Variants in INPP5J observed in about 807,000 individuals in gnomAD.
INPP5J encodes the protein phosphatidylinositol 4,5-bisphosphate 5-phosphatase A.
INPP5J carries 75 observed loss-of-function variants against 86.6 expected under a neutral mutation model. The ratio of observed to expected loss-of-function variants is 0.87; its 90% CI spans 0.72 to 1.05. The LOEUF (loss-of-function observed/expected upper bound fraction) is 1.05, where lower values mean the gene tolerates loss of function less well. INPP5J is among the 50% of genes least tolerant of loss of function. The probability of loss-of-function intolerance (pLI) is 0.00; values close to 1 mark genes in which losing one functional copy is unlikely to be tolerated. For synonymous variants in INPP5J, 540 were observed against 550.0 expected (o/e 0.98, Z 0.25); for missense variants, 1,229 against 1,341.2 (o/e 0.92, Z 1.31).
At chr22:31,126,855 C>A in intron 4 of INPP5J, 66 bp from the exon 5 acceptor site, 1 of 1,452,280 alleles carries the variant, frequency 6.9e-7, no homozygotes, top group Non-Finnish European at 9.7e-7. Context: ...AGGAGCAGAC[C>A]TGAAGGTGGG....
At position 31,125,064 on chromosome 22, in the gene INPP5J, A is replaced by G. The variant is rs746313501; in HGVS notation, c.325A>G (p.Thr109Ala). 4.5e-6 allele frequency: 7 copies of G among 1,549,938 alleles called. 1 individual carries two copies. The highest frequency in any genetic ancestry group is 2.4e-5 in the East Asian group (1 of 40,912). ...TAHRSSSLAP[T>A]SVGQLVMSAS... is the part of the protein sequence containing the mutation. The stretch of plus-strand genomic sequence containing the variant: ...CCACCGCAGCTCCAGCCTGGCCCCA[A>G]CATCTGTGGGCCAGCTGGTGATGTC... The change falls in exon 2 of 13, where the codon ACA becomes GCA. Residue 109 changes from threonine to alanine, a missense_variant. Physicochemically the swap from Thr to Ala is moderately conservative, Grantham distance 58 (BLOSUM62 0). Transcript: ENST00000331075.
upstream of INPP5J, chr22:31,122,796 C>T (rs1370295141): frequency 6.5e-6 from 3 of 460,418 alleles, no homozygotes; most frequent in Non-Finnish European, 1.1e-5. Flanking sequence ...GATGGGTACA[C>T]TCTCCCCTCC....
At chr22:31,124,054 G>A (rs1039476091) in intron 1 of INPP5J, 3 of 153,480 alleles carry the variant, frequency 2.0e-5, no homozygotes, top group African/African-American at 7.2e-5. Context: ...AGCAAATGTT[G>A]GGCTCATAAA....
chr22:31,128,130 C>T, intron 7 of INPP5J, 68 bp downstream of exon 7: 1 of 1,452,140 alleles, frequency 6.9e-7, no homozygotes, highest in African/African-American at 1.4e-5. Flanking sequence ...AGACTATGGT[C>T]CCTGTCCTCA....
intron 2 of INPP5J, 63 bp from the exon 3 acceptor site, chr22:31,126,313 A>G (rs1437545779): frequency 7.3e-7 from 1 of 1,368,398 alleles, no homozygotes; most frequent in Non-Finnish European, 1.0e-6. Context: ...GAGTCCTGTG[A>G]AAGGAAGCTT....
In INPP5J at chr22:31,134,255, G is replaced by C. The variant is rs887990058; in HGVS notation, c.2857G>C (p.Ala953Pro). 10 of 1,551,158 alleles carry C rather than the reference G, an allele frequency of 6.4e-6. No individual in the cohort carries two copies. The highest frequency in any genetic ancestry group is 2.0e-5 in the Admixed American group (1 of 51,048). Residue 953 changes from alanine to proline, a missense_variant, in exon 13 of 13, where the codon GCT (alanine) becomes CCT (proline). Ala to Pro is a conservative substitution (Grantham distance 27). Coordinates refer to ENST00000331075, the MANE Select transcript of INPP5J (RefSeq NM_001284285.2). ...GCCTGGCCCCTGGGCCTTCCCACCA[G>C]CTGTGCCTCGAAGCCTGGGCCTGTT... ...GLPGPWAFPP[A>P]VPRSLGLLPA... is the part of the protein sequence containing the mutation.
At position 31,125,899 on chromosome 22, in the gene INPP5J, A is replaced by G. The variant is rs1053791955; in HGVS notation, c.1160A>G (p.Asn387Ser). The change falls in exon 2 of 13, where the codon AAC (asparagine) becomes AGC (serine). Residue 387 changes from asparagine to serine, a missense_variant. Transcript: ENST00000331075. ...STGPGRCLSPNLQAQEAPAPV... is the reference protein window; with the variant it reads ...STGPGRCLSPSLQAQEAPAPV... ...GGGCCTGGCAGGTGCCTGAGCCCCA[A>G]CCTTCAGGCCCAAGAAGCCCCAGCC... 6 of 1,610,434 alleles carry G rather than the reference A, an allele frequency of 3.7e-6. No homozygotes were observed. The African/African-American group carries it at 5.4e-5, about 14-fold the overall frequency.
At position 31,125,663 on chromosome 22, in the gene INPP5J, G is replaced by A; in HGVS notation, c.924G>A (p.Val308=). ...PRPPQTLPLD[V]GQGPSEPGTH... is the part of the protein sequence containing the mutation. ...CACCCCAGACCTTGCCCTTGGATGT[G>A]GGCCAGGGTCCTTCAGAGCCTGGCA... The change falls in exon 2 of 13, where the codon GTG becomes GTA. Residue 308 remains valine (V), a synonymous_variant. Coordinates refer to ENST00000331075, the MANE Select transcript of INPP5J (RefSeq NM_001284285.2). The A allele has an allele frequency of 1.3e-6, 2 of 1,550,366 alleles. No individual in the cohort carries two copies. The highest frequency in any genetic ancestry group is 1.7e-6 in the Non-Finnish European group (2 of 1,146,922).
rs1272160339 is a variant in INPP5J at position 31,126,921 on chromosome 22, G to C, written c.1495G>C (p.Val499Leu). Residue 499 changes from valine to leucine, a missense_variant and splice_region_variant, in exon 5 of 13, where the codon GTG becomes CTG. Val to Leu is a conservative substitution (Grantham distance 32). Transcript: ENST00000331075. ...CCAGCCACGTGGCCTCCCGCTGCAG[G>C]TGAGTTCGGTGAGGATGCAGGGTGT... Reference protein sequence around the residue: ...DALGPFNFVLVSSVRMQGVIL... With the variant: ...DALGPFNFVLLSSVRMQGVIL... 10 of 1,605,710 alleles carry C rather than the reference G, an allele frequency of 6.2e-6. No individual in the cohort carries two copies. Among genetic ancestry groups the C allele is most frequent in the Non-Finnish European group, 8.5e-6 (10 of 1,175,218 alleles).
chr22:31,126,975 C>T lies in INPP5J; in HGVS notation c.1549C>T (p.His517Tyr), dbSNP rs1484919115. The T allele has an allele frequency of 1.9e-6, 3 of 1,610,900 alleles. No homozygotes were observed. Among genetic ancestry groups the T allele is most frequent in the Non-Finnish European group, 8.5e-7 (1 of 1,178,692 alleles). ...CCTGCTGCTGTTCGCCAAGTACTAC[C>T]ACCTGCCCTTCCTGCGAGACGTGCA... ...VILLLFAKYY[H>Y]LPFLRDVQTD... Residue 517 changes from histidine to tyrosine, a missense_variant, in exon 5 of 13, where the codon CAC becomes TAC. By Grantham distance (83) the His-to-Tyr change is moderately conservative. Coordinates refer to ENST00000331075, the MANE Select transcript of INPP5J (RefSeq NM_001284285.2).
In INPP5J at chr22:31,126,962, C is replaced by A. The variant is rs765371794; in HGVS notation, c.1536C>A (p.Phe512Leu). 7 of 1,610,966 alleles carry A rather than the reference C, an allele frequency of 4.3e-6. No homozygotes were observed. The highest frequency in any genetic ancestry group is 5.9e-6 in the Non-Finnish European group (7 of 1,178,640). ...VRMQGVILLLFAKYYHLPFLR... is the reference protein window; with the variant it reads ...VRMQGVILLLLAKYYHLPFLR... ...TGCAGGGTGTCATCCTGCTGCTGTT[C>A]GCCAAGTACTACCACCTGCCCTTCC... The change falls in exon 5 of 13, where the codon TTC becomes TTA. Residue 512 changes from phenylalanine to leucine, a missense_variant. By Grantham distance (22) the Phe-to-Leu change is conservative. Coordinates refer to ENST00000331075, the MANE Select transcript of INPP5J (RefSeq NM_001284285.2).
rs1921347548 is a variant in INPP5J, at chr22:31,125,861, C to T, written c.1122C>T (p.Gly374=). 6.2e-7 allele frequency: 1 copy of T among 1,611,214 alleles called. No homozygotes were observed. The highest frequency in any genetic ancestry group is 1.3e-5 in the African/African-American group (1 of 74,850). The part of the protein sequence containing the change: ...PAPDMALPRL[G]TQSTGPGRCL... ...CTGACATGGCCCTCCCAAGGCTTGG[C>T]ACACAGAGTACAGGGCCTGGCAGGT... Residue 374 remains glycine, a synonymous_variant, in exon 2 of 13, where the codon GGC becomes GGT. Transcript: ENST00000331075.
intron 1 of INPP5J, among the ~76,000 whole-genome samples, chr22:31,123,711 C>T (rs1416048471): frequency 6.6e-6 from 1 of 152,168 alleles, no homozygotes; most frequent in Admixed American, 6.5e-5. Context: ...CTAGGGCCAT[C>T]CTGGGGCAAG....
chr22:31,133,901 C>A lies in INPP5J; in HGVS notation c.2515-12C>A. 6.2e-7 allele frequency: 1 copy of A among 1,607,434 alleles called. No individual in the cohort carries two copies. The highest frequency in any genetic ancestry group is 8.5e-7 in the Non-Finnish European group (1 of 1,175,734). On this transcript the variant is annotated splice_polypyrimidine_tract_variant and intron_variant, in intron 12 of 12. Transcript: ENST00000331075. ...GGGAGCAGGGCGCCCCAGTGACCAG[C>A]ATTTCCCCCAGATCTCGCTGCCTTC...
chr22:31,125,133 G>A lies in INPP5J; in HGVS notation c.394G>A (p.Val132Ile), dbSNP rs1921248453. The change falls in exon 2 of 13, where the codon GTT becomes ATT. Residue 132 changes from valine (V) to isoleucine (I), a missense_variant. By Grantham distance (29) the Val-to-Ile change is conservative (BLOSUM62 3). Coordinates refer to ENST00000331075, the MANE Select transcript of INPP5J (RefSeq NM_001284285.2). ...PKPPPATTGSVLAPTSLGLVM... is the reference protein window; with the variant it reads ...PKPPPATTGSILAPTSLGLVM... Reference sequence around the variant, plus strand: ...GCCTCCCCCAGCGACCACAGGCTCAGTTCTGGCTCCGACGTCCCTGGGGCT... The same window carrying A: ...GCCTCCCCCAGCGACCACAGGCTCAATTCTGGCTCCGACGTCCCTGGGGCT... The A allele has an allele frequency of 1.3e-6, 2 of 1,550,222 alleles. No homozygotes were observed. The highest frequency in any genetic ancestry group is 1.2e-5 in the South Asian group (1 of 84,052).
intron 6 of INPP5J, 23 bp from the exon 7 acceptor site, chr22:31,127,928 C>G (rs1438776688): frequency 1.5e-6 from 2 of 1,356,868 alleles, no homozygotes; most frequent in East Asian, 2.4e-5. Flanking sequence ...CCCCACATCT[C>G]TCCCATCCCC....
In INPP5J at chr22:31,125,438, A is replaced by G; in HGVS notation, c.699A>G (p.Thr233=). ...TASGAASVGQ[T]SARKRDAPAP... Reference sequence around the variant, plus strand: ...CAGGCGCAGCCTCTGTGGGACAGACATCAGCTAGAAAGAGGGATGCCCCAG... The same window carrying G: ...CAGGCGCAGCCTCTGTGGGACAGACGTCAGCTAGAAAGAGGGATGCCCCAG... Residue 233 remains threonine (T), a synonymous_variant, in exon 2 of 13, where the codon ACA becomes ACG. Transcript: ENST00000331075. 1 of 1,550,644 alleles carries G rather than the reference A, an allele frequency of 6.4e-7. No individual in the cohort carries two copies. The highest frequency in any genetic ancestry group is 8.7e-7 in the Non-Finnish European group (1 of 1,146,978).
At chr22:31,123,646 C>A (rs1921073047) in intron 1 of INPP5J, among the ~76,000 whole-genome samples, 1 of 152,148 alleles carries the variant, frequency 6.6e-6, no homozygotes. Context: ...GGATACGGGA[C>A]AGAAACAGAA....
intron 9 of INPP5J, among the ~76,000 whole-genome samples, chr22:31,131,627 A>G (rs545899925): frequency 2.0e-5 from 3 of 151,916 alleles, no homozygotes; most frequent in South Asian, 2.1e-4. Context: ...TGCACTTTAC[A>G]TATGTCATCC....
Sources: gnomAD v4.1 joint callset for allele counts (sites outside exome capture counted in the v4.1 genomes callset) on GRCh38, gnomAD v4.1.1 for gene constraint, MANE v1.5 for transcripts, NCBI Gene and HGNC (gene_info 2026-07-23, HGNC 2026-07-21) for gene names.